The following ADGRL2 variants were observed in gnomAD, a reference collection of about 807,000 sequenced individuals.
ADGRL2 encodes calcium-independent alpha-latrotoxin receptor 2.
In ADGRL2, 44 loss-of-function variants were observed where a neutral mutation model predicts 157.4. The observed-to-expected ratio is 0.28, with a 90% CI of 0.22 to 0.36. The LOEUF is 0.36. Among genes scored for constraint, ADGRL2 ranks in the 10% least tolerant of loss-of-function variants. The pLI is 1.00. For missense variants in ADGRL2, 1,510 were observed against 1,768.9 expected (o/e 0.85, Z 2.63); for synonymous variants, 585 against 624.7 (o/e 0.94, Z 0.95).
At chr1:81,505,043 G>A (rs1324960168) in intron 2 of ADGRL2, 9 of 389,130 alleles carry the variant, frequency 2.3e-5, no homozygotes, top group East Asian at 1.4e-4. Context: ...CGCATGTGGC[G>A]TGGGTGTGTG....
intron 3 of ADGRL2, among the ~76,000 whole-genome samples, chr1:81,925,952 G>A (rs376420432): frequency 6.6e-6 from 1 of 151,956 alleles, no homozygotes; most frequent in African/African-American, 2.4e-5. Context: ...AATCTTTAAG[G>A]TGAATTTAAA....
Position 81,454,583 on chromosome 1 carries a change from C to T in ADGRL2, c.-248+9494C>T, listed in dbSNP as rs559275486. Among the ~76,000 whole-genome samples, 19 of 152,276 alleles carry T rather than the reference C, an allele frequency of 1.2e-4. No individual in the cohort carries two copies. In the East Asian group the frequency reaches 3.3e-3, roughly 26 times the overall value. Reference sequence around the variant, plus strand: ...GCCTTAATGCAGTCTTAATCTTCTGCATTAAACCTACCTGAAGGTTTCCTC... The same window carrying T: ...GCCTTAATGCAGTCTTAATCTTCTGTATTAAACCTACCTGAAGGTTTCCTC... On this transcript the variant is annotated intron_variant, in intron 2 of 24. Coordinates refer to the ADGRL2 transcript ENST00000370721.
intron 1 of ADGRL2, among the ~76,000 whole-genome samples, chr1:81,344,828 T>C (rs896002327): frequency 2.0e-5 from 3 of 152,306 alleles, no homozygotes; most frequent in Admixed American, 2.0e-4. Context: ...ATTGATCAAG[T>C]GAAGTTCCAG....
intron 2 of ADGRL2, among the ~76,000 whole-genome samples, chr1:81,901,051 T>G (rs2094476537): frequency 6.6e-6 from 1 of 152,180 alleles, no homozygotes; most frequent in Admixed American, 6.5e-5. Flanking sequence ...GCAGCAATTC[T>G]CAGGGGAAAG....
chr1:81,329,134 C>A lies in ADGRL2; in HGVS notation c.-302+22625C>A, dbSNP rs72935182. 9.1e-3 allele frequency among the ~76,000 whole-genome samples: 1,382 copies of A among 152,214 alleles called. 16 individuals carry two copies. Among genetic ancestry groups the A allele is most frequent in the African/African-American group, 0.032 (1,321 of 41,542 alleles). ...TGTTCCCACTGTCTAACTGCTCTGCCACTCTGCATGCATAGCCTCTATTTT... is the reference window on the plus strand; with the variant it reads ...TGTTCCCACTGTCTAACTGCTCTGCAACTCTGCATGCATAGCCTCTATTTT... On this transcript the variant is annotated intron_variant, in intron 1 of 24. Coordinates refer to the ADGRL2 transcript ENST00000370721.
At position 81,991,840 on chromosome 1, in the gene ADGRL2, T is replaced by G. The variant is rs1664637713; in HGVS notation, c.*695T>G. The G allele has an allele frequency of 6.6e-6, 1 of 152,668 alleles. No individual in the cohort carries two copies. Among genetic ancestry groups the G allele is most frequent in the Admixed American group, 6.5e-5 (1 of 15,278 alleles). The allele number at this position is 152,668 out of a possible 1,614,324, so 9.5% of individuals were successfully genotyped here. ...AAATATAATTGTCATTAAAATAATT[T>G]TAAAGAGTGAAGAAAATATTGTGAA... On this transcript the variant is annotated 3_prime_UTR_variant, in exon 24 of 24. Transcript: ENST00000686636.
chr1:81,657,768 T>A (rs1160695309), intron 3 of ADGRL2, among the ~76,000 whole-genome samples: 1 of 152,220 alleles, frequency 6.6e-6, no homozygotes, highest in African/African-American at 2.4e-5. Flanking sequence ...AAAGCTGTTT[T>A]GTGAGTATGA....
upstream of ADGRL2, among the ~76,000 whole-genome samples, chr1:81,797,976 A>C (rs2087676472): frequency 6.6e-6 from 1 of 152,158 alleles, no homozygotes; most frequent in Non-Finnish European, 1.5e-5. Flanking sequence ...TCCTTTGTAG[A>C]ATTTATTTTA....
intron 3 of ADGRL2, among the ~76,000 whole-genome samples, chr1:81,931,020 A>T (rs1473820525): frequency 1.3e-5 from 2 of 152,152 alleles, no homozygotes; most frequent in Non-Finnish European, 2.9e-5. Flanking sequence ...GGCGTGGCAC[A>T]TTCCTGTAGT....
chr1:81,373,469 G>A (rs2076194567), intron 1 of ADGRL2, among the ~76,000 whole-genome samples: 1 of 152,058 alleles, frequency 6.6e-6, no homozygotes, highest in African/African-American at 2.4e-5. Flanking sequence ...AGAATGAGAA[G>A]GAACAATTAC....
chr1:81,437,551 G>T (rs539382650), intron 1 of ADGRL2, among the ~76,000 whole-genome samples: 2 of 152,280 alleles, frequency 1.3e-5, no homozygotes, highest in South Asian at 2.1e-4. Flanking sequence ...TCATCCTGTT[G>T]GATGTGTGAT....
rs560087873 is a variant in ADGRL2, at chr1:81,456,397, T to TTTA, written c.-248+11323_-248+11325dup. Among the ~76,000 whole-genome samples, 43 of 151,930 alleles carry TTTA rather than the reference T, an allele frequency of 2.8e-4. No homozygotes were observed. In the South Asian group the frequency reaches 8.3e-3, roughly 29 times the overall value. On this transcript the variant is annotated intron_variant, in intron 2 of 24. Coordinates refer to the ADGRL2 transcript ENST00000370721. ...CCATATCCAGCTAATTTTTTTAATT[T>TTTA]TTATTATTATTATTATTTTTTGTAG...
In ADGRL2 at chr1:81,619,395, A is replaced by G. The variant is rs529724154; in HGVS notation, c.-143+38415A>G. Among the ~76,000 whole-genome samples, 12 of 152,140 alleles carry G rather than the reference A, an allele frequency of 7.9e-5. No individual in the cohort carries two copies. The South Asian group carries it at 2.1e-3, about 26-fold the overall frequency. ...TCACCAACAACCTACAGCAATTTGC[A>G]CTTATTGACACCATAGCAACTAATT... On this transcript the variant is annotated intron_variant, in intron 3 of 24. Transcript: ENST00000370721.
intron 18 of ADGRL2, among the ~76,000 whole-genome samples, chr1:81,980,258 A>G (rs1421512551): frequency 2.0e-5 from 3 of 151,740 alleles, no homozygotes; most frequent in East Asian, 1.9e-4. Context: ...TCGTATTTGC[A>G]TGGCTGATAT....
chr1:81,484,989 A>G (rs2078469774), intron 2 of ADGRL2, among the ~76,000 whole-genome samples: 1 of 152,098 alleles, frequency 6.6e-6, no homozygotes, highest in South Asian at 2.1e-4. Context: ...ACCAGATTCA[A>G]AGGGCAAATT....
At chr1:81,701,116 A>G (rs1026484726) in intron 1 of ADGRL2, among the ~76,000 whole-genome samples, 1 of 152,180 alleles carries the variant, frequency 6.6e-6, no homozygotes, top group African/African-American at 2.4e-5. Context: ...CAGATTTCAG[A>G]TGTTTCTCCT....
Position 81,785,722 on chromosome 1 carries a change from C to G in ADGRL2, c.-101+23870C>G, listed in dbSNP as rs150624228. On this transcript the variant is annotated intron_variant, in intron 2 of 20. Coordinates refer to the ADGRL2 transcript ENST00000359929. Reference sequence around the variant, plus strand: ...TAGCCTGAGCGACAAAGTGAGACCCCGTGTCTAAAAAAACGACAACAAAAA... The same window carrying G: ...TAGCCTGAGCGACAAAGTGAGACCCGGTGTCTAAAAAAACGACAACAAAAA... Among the ~76,000 whole-genome samples the G allele has an allele frequency of 2.8e-4, 43 of 151,750 alleles. 1 individual carries two copies. The highest frequency in any genetic ancestry group is 1.0e-3 in the African/African-American group (43 of 41,320).
chr1:81,712,333 A>G lies in ADGRL2; in HGVS notation c.-143+12525A>G, dbSNP rs181077686. On this transcript the variant is annotated intron_variant, in intron 1 of 20. Transcript: ENST00000359929. ...AAGTACTTTTGGGCTCTGAGTCCCA[A>G]TAGAAATAAATTCAAATCGGTCTTC... Among the ~76,000 whole-genome samples, 89 of 152,342 alleles carry G rather than the reference A, an allele frequency of 5.8e-4. 3 individuals are homozygous for G. The highest frequency in any genetic ancestry group is 2.0e-3 in the African/African-American group (85 of 41,584).
chr1:81,700,448 A>G (rs988606199), intron 1 of ADGRL2, among the ~76,000 whole-genome samples: 1 of 152,232 alleles, frequency 6.6e-6, no homozygotes, highest in South Asian at 2.1e-4. Context: ...ATTTTGAATT[A>G]TAAGATCTTT....
Sources: allele counts gnomAD v4.1 joint callset (sites outside exome capture counted in the v4.1 genomes callset), GRCh38; gene constraint gnomAD v4.1.1; transcripts MANE v1.5; gene names NCBI Gene and HGNC (gene_info 2026-07-23, HGNC 2026-07-21).